The following KALRN variants were observed in gnomAD, a reference collection of about 807,000 sequenced individuals.
KALRN encodes kalirin.
In KALRN, 70 loss-of-function variants were observed where a neutral mutation model predicts 353.7. The observed-to-expected ratio is 0.20, with a 90% CI of 0.16 to 0.24. The LOEUF (loss-of-function observed/expected upper bound fraction) is 0.24. Among genes scored for constraint, KALRN ranks in the 10% least tolerant of loss-of-function variants. The pLI, the probability that KALRN is intolerant of heterozygous loss-of-function variation, is 1.00. For synonymous variants in KALRN, 1,391 were observed against 1,434.8 expected (o/e 0.97, Z 0.69); for missense variants, 2,791 against 3,756.7 (o/e 0.74, Z 6.72).
At chr3:124,593,589 T>C (rs2076007930) in intron 34 of KALRN, among the ~76,000 whole-genome samples, 1 of 152,122 alleles carries the variant, frequency 6.6e-6, no homozygotes, top group Non-Finnish European at 1.5e-5. Flanking sequence ...CCCTCCACCC[T>C]CCCCTAACCT....
At chr3:124,693,229 T>A (rs1433855153) in intron 51 of KALRN, among the ~76,000 whole-genome samples, 1 of 151,394 alleles carries the variant, frequency 6.6e-6, no homozygotes, top group African/African-American at 2.4e-5. Context: ...GACAGACGAC[T>A]TCTCTTATTC....
intron 1 of KALRN, among the ~76,000 whole-genome samples, chr3:124,126,042 T>C (rs1368511893): frequency 6.6e-6 from 1 of 152,192 alleles, no homozygotes; most frequent in Non-Finnish European, 1.5e-5. Context: ...TGACTCTAGG[T>C]TGCCTTTTAG....
At chr3:124,690,731 T>A (rs2061768840) in intron 51 of KALRN, among the ~76,000 whole-genome samples, 1 of 152,214 alleles carries the variant, frequency 6.6e-6, no homozygotes, top group South Asian at 2.1e-4. Flanking sequence ...GCTCTGCACT[T>A]CCTCCAGGGT....
chr3:124,130,967 G>A (rs2065209070), intron 1 of KALRN, among the ~76,000 whole-genome samples: 1 of 152,122 alleles, frequency 6.6e-6, no homozygotes, highest in Admixed American at 6.5e-5. Context: ...GACTGGAAGG[G>A]GGCATGAGGG....
intron 32 of KALRN, 81 bp downstream of exon 32, chr3:124,492,963 G>A: frequency 1.3e-6 from 2 of 1,525,302 alleles, no homozygotes; most frequent in East Asian, 2.3e-5. Context: ...TGCTTCTGAA[G>A]GGGGATGTGC....
At chr3:124,677,498 C>T in intron 49 of KALRN, 1 of 441,116 alleles carries the variant, frequency 2.3e-6, no homozygotes, top group Non-Finnish European at 4.5e-6. Context: ...TAGTTCTTGT[C>T]CCAATAGGGA....
At chr3:124,145,702 A>G (rs2067245420) in intron 1 of KALRN, among the ~76,000 whole-genome samples, 1 of 152,180 alleles carries the variant, frequency 6.6e-6, no homozygotes, top group African/African-American at 2.4e-5. Flanking sequence ...AATTAATGTA[A>G]CCACTCCATT....
At chr3:124,437,689 CAA>C (rs397876079) in intron 17 of KALRN, among the ~76,000 whole-genome samples, 342 of 48,304 alleles carry the variant, frequency 7.1e-3, no homozygotes, top group African/African-American at 0.023. Context: ...GATTCCGTCT[CAA>C]AAAAAAAAAA....
chr3:124,712,980 CAA>C lies in KALRN; in HGVS notation c.8123_8124del (p.Lys2708ArgfsTer8). On this transcript the variant is annotated frameshift_variant, in exon 58 of 60. Coordinates refer to ENST00000682506, the MANE Select transcript of KALRN (RefSeq NM_001388419.1). LOFTEE classifies it high-confidence loss of function. Reference protein sequence around the residue: ...VKKCIHKATRKDVAVKFVSKK... With the variant: ...VKKCIHKATRXDVAVKFVSKK... ...AGAAATGCATTCACAAAGCTACCCGCAAAGATGTGGCTGTGAAATTTGTTAGC... is the reference window on the plus strand; with the variant it reads ...AGAAATGCATTCACAAAGCTACCCGCAGATGTGGCTGTGAAATTTGTTAGC... The C allele has an allele frequency of 1.2e-6, 2 of 1,614,030 alleles. No homozygotes were observed. Among genetic ancestry groups the C allele is most frequent in the Non-Finnish European group, 1.7e-6 (2 of 1,179,990 alleles).
intron 1 of KALRN, among the ~76,000 whole-genome samples, chr3:124,189,966 C>G (rs1029695518): frequency 3.4e-5 from 5 of 147,978 alleles, no homozygotes; most frequent in African/African-American, 1.2e-4. Flanking sequence ...AACATAGAAG[C>G]GAGAATTTAT....
chr3:124,651,285 C>T (rs543119436), intron 38 of KALRN, among the ~76,000 whole-genome samples: 3 of 152,144 alleles, frequency 2.0e-5, no homozygotes, highest in African/African-American at 4.8e-5. Flanking sequence ...AGTCTCTGAC[C>T]GTGGCAGATA....
In KALRN at chr3:124,666,530, A is replaced by G; in HGVS notation, c.6427A>G (p.Thr2143Ala). The G allele has an allele frequency of 6.2e-7, 1 of 1,613,990 alleles. No individual in the cohort carries two copies. Among genetic ancestry groups the G allele is most frequent in the South Asian group, 1.1e-5 (1 of 91,066 alleles). Residue 2143 changes from threonine to alanine, a missense_variant, in exon 46 of 60, where the codon ACC becomes GCC. This residue lies in a region of KALRN where 1,065 missense variants were observed against 1,156.4 expected (regional missense o/e 0.92). Transcript: ENST00000682506. ...IELDAGMQSR[T>A]KERRVFLFEQ... is the part of the protein sequence containing the mutation. ...GCTGGATGCAGGCATGCAGTCCCGG[A>G]CCAAAGAGAGGCGCGTGTTCCTCTT...
chr3:124,264,696 C>A lies in KALRN; in HGVS notation c.456+6C>A, dbSNP rs766236724. 3.1e-6 allele frequency: 5 copies of A among 1,612,188 alleles called. No individual in the cohort carries two copies. The highest frequency in any genetic ancestry group is 2.2e-5 in the South Asian group (2 of 91,004). ...GCTCCAAATTCATCTTTGAGGTGAG[C>A]CAGATTTCTCTCTCTTAGCATCTTC... is the stretch of plus-strand genomic sequence containing the variant. On this transcript the variant is annotated splice_donor_region_variant and intron_variant, in intron 4 of 59. Coordinates refer to ENST00000682506, the MANE Select transcript of KALRN (RefSeq NM_001388419.1).
At chr3:124,461,389 T>A (rs2059845641) in intron 23 of KALRN, among the ~76,000 whole-genome samples, 1 of 152,012 alleles carries the variant, frequency 6.6e-6, no homozygotes, top group African/African-American at 2.4e-5. Context: ...CTCGGTGTGT[T>A]GGACCTCTTT....
At chr3:124,070,030 C>T (rs1445799564) in intron 1 of KALRN, among the ~76,000 whole-genome samples, 1 of 151,772 alleles carries the variant, frequency 6.6e-6, no homozygotes, top group Non-Finnish European at 1.5e-5. Context: ...AAATGTACCA[C>T]AACAAGATAA....
chr3:124,626,905 T>C (rs1335841457), intron 34 of KALRN, among the ~76,000 whole-genome samples: 1 of 152,202 alleles, frequency 6.6e-6, no homozygotes. Flanking sequence ...AGCCTCAGTT[T>C]CCTAAAACAG....
At chr3:124,567,295 C>T (rs2072971297) in intron 34 of KALRN, among the ~76,000 whole-genome samples, 1 of 152,162 alleles carries the variant, frequency 6.6e-6, no homozygotes, top group Non-Finnish European at 1.5e-5. Flanking sequence ...AGGTGACCTC[C>T]CTGAAGCCAC....
At chr3:124,544,451 C>T (rs2069399909) in intron 33 of KALRN, among the ~76,000 whole-genome samples, 1 of 152,142 alleles carries the variant, frequency 6.6e-6, no homozygotes, top group Non-Finnish European at 1.5e-5. Flanking sequence ...ATCCCAGCTA[C>T]TTGGGAGGCT....
At chr3:124,468,275 TTCC>T (rs1184849854) in intron 25 of KALRN, among the ~76,000 whole-genome samples, 2 of 152,214 alleles carry the variant, frequency 1.3e-5, no homozygotes, top group African/African-American at 4.8e-5. Flanking sequence ...GCTCTATTTC[TTCC>T]TCCTCCTCTT....
Sources: gnomAD v4.1 joint callset for allele counts (sites outside exome capture counted in the v4.1 genomes callset) on GRCh38, gnomAD v4.1.1 for gene constraint, gnomAD v4.1.1 regional missense constraint, MANE v1.5 for transcripts, NCBI Gene and HGNC (gene_info 2026-07-23, HGNC 2026-07-21) for gene names.